GPC5: variants seen among roughly 807,000 people sequenced by gnomAD.
GPC5 encodes the protein glypican-5.
GPC5 carries 47 observed loss-of-function variants against 53.9 expected under a neutral mutation model. The ratio of observed to expected loss-of-function variants is 0.87; its 90% CI spans 0.69 to 1.11. The LOEUF is 1.11. Among genes scored for constraint, GPC5 ranks in the 50% most tolerant of loss-of-function variants. GPC5 has a pLI of 0.00. For synonymous variants in GPC5, 286 were observed against 263.3 expected (o/e 1.09, Z -0.84); for missense variants, 748 against 713.1 (o/e 1.05, Z -0.56).
chr13:91,930,906 A>G (rs1166964063), intron 6 of GPC5, among the ~76,000 whole-genome samples: 1 of 152,080 alleles, frequency 6.6e-6, no homozygotes, highest in Non-Finnish European at 1.5e-5. Flanking sequence ...CTACATAGTG[A>G]CACATGCTTA....
At chr13:91,496,034 AAAAT>A (rs1446527598) in intron 2 of GPC5, among the ~76,000 whole-genome samples, 4 of 145,036 alleles carry the variant, frequency 2.8e-5, no homozygotes, top group Non-Finnish European at 4.6e-5. Flanking sequence ...AAAAAAATAA[AAAAT>A]AAAAAATAAA....
At chr13:92,865,940 A>G (rs967431208) in intron 7 of GPC5, among the ~76,000 whole-genome samples, 8 of 152,164 alleles carry the variant, frequency 5.3e-5, no homozygotes, top group Non-Finnish European at 1.0e-4. Context: ...TGAAGGTGAT[A>G]AATCTCTGAA....
At chr13:91,523,022 TACA>T (rs1391875653) in intron 2 of GPC5, among the ~76,000 whole-genome samples, 16 of 152,278 alleles carry the variant, frequency 1.1e-4, no homozygotes, top group Non-Finnish European at 2.4e-4. Flanking sequence ...CTTTCTGGTG[TACA>T]ATAAAAGAAA....
chr13:91,536,499 T>G (rs898536785), intron 2 of GPC5, among the ~76,000 whole-genome samples: 1 of 152,166 alleles, frequency 6.6e-6, no homozygotes, highest in African/African-American at 2.4e-5. Context: ...AAAAGGTTTA[T>G]CTTGACTTGA....
chr13:91,589,471 C>A (rs1304448044), intron 2 of GPC5, among the ~76,000 whole-genome samples: 1 of 152,116 alleles, frequency 6.6e-6, no homozygotes, highest in East Asian at 1.9e-4. Context: ...TCTCTGTTTC[C>A]TCTCTAGACC....
chr13:92,002,038 C>T (rs1366564518), intron 6 of GPC5, among the ~76,000 whole-genome samples: 1 of 152,056 alleles, frequency 6.6e-6, no homozygotes, highest in African/African-American at 2.4e-5. Flanking sequence ...GTCCTCCACA[C>T]AATTTCTGGT....
rs752130758 is a variant in GPC5 at position 92,708,857 on chromosome 13, C to CTTTTTTTTTTTTTTTTTTTTTT, written c.1562-157403_1562-157382dup. On this transcript the variant is annotated intron_variant, in intron 7 of 7. Transcript: ENST00000377067. ...CTAGCAGCATCTAGCTGGAAACCGCCTTTTTTTTTTTTTTTTTTTTTTTTT... is the reference window on the plus strand; with the variant it reads ...CTAGCAGCATCTAGCTGGAAACCGCCTTTTTTTTTTTTTTTTTTTTTTTTTTTTTTTTTTTTTTTTTTTTTTT... 6.2e-5 allele frequency among the ~76,000 whole-genome samples: 3 copies of CTTTTTTTTTTTTTTTTTTTTTT among 48,140 alleles called. 1 individual carries two copies. Among genetic ancestry groups the CTTTTTTTTTTTTTTTTTTTTTT allele is most frequent in the Non-Finnish European group, 1.2e-4 (3 of 24,284 alleles). The allele number at this position is 48,140 out of a possible 152,430, so 31.6% of individuals were successfully genotyped here. A position where few individuals can be genotyped will look rare whatever the true frequency, so the allele number is the denominator to read the frequency against.
chr13:91,533,103 A>G (rs1886426595), intron 2 of GPC5, among the ~76,000 whole-genome samples: 1 of 152,220 alleles, frequency 6.6e-6, no homozygotes, highest in African/African-American at 2.4e-5. Flanking sequence ...TTTATTGGAA[A>G]GATGATTTTT....
chr13:92,797,678 G>A (rs891019414), intron 7 of GPC5, among the ~76,000 whole-genome samples: 5 of 151,854 alleles, frequency 3.3e-5, no homozygotes, highest in East Asian at 1.9e-4. Context: ...TATTTTCAAT[G>A]CCATGAAAAT....
chr13:91,543,418 G>A (rs1266118657), intron 2 of GPC5, among the ~76,000 whole-genome samples: 1 of 151,994 alleles, frequency 6.6e-6, no homozygotes, highest in African/African-American at 2.4e-5. Context: ...AATTTTACAT[G>A]TCTTTTAAGC....
At chr13:92,475,807 T>C (rs1364719058) in intron 7 of GPC5, among the ~76,000 whole-genome samples, 1 of 152,054 alleles carries the variant, frequency 6.6e-6, no homozygotes, top group Non-Finnish European at 1.5e-5. Flanking sequence ...ATTCCCTATT[T>C]AATAAATGGT....
rs188951582 is a variant in GPC5, at chr13:91,694,763, C to T, written c.1020+882C>T. On this transcript the variant is annotated intron_variant, in intron 3 of 7. Transcript: ENST00000377067. ...GATTTACCAAATTAACAAGCATTCT[C>T]ATAAATTAGCTTTAAGCAGAAAATT... is the stretch of plus-strand genomic sequence containing the variant. 8.8e-3 allele frequency among the ~76,000 whole-genome samples: 1,333 copies of T among 152,276 alleles called. 11 individuals are homozygous for T. The highest frequency in any genetic ancestry group is 0.015 in the Non-Finnish European group (1,020 of 68,016).
intron 7 of GPC5, among the ~76,000 whole-genome samples, chr13:92,194,670 T>A (rs1424606808): frequency 6.6e-6 from 1 of 152,214 alleles, no homozygotes; most frequent in Non-Finnish European, 1.5e-5. Flanking sequence ...CTGCAGGTAT[T>A]CTCAAATGCA....
At chr13:91,976,176 A>G (rs925456289) in intron 6 of GPC5, among the ~76,000 whole-genome samples, 9 of 152,192 alleles carry the variant, frequency 5.9e-5, no homozygotes, top group African/African-American at 2.2e-4. Context: ...ATGTTAAATG[A>G]CGAGTTAATG....
chr13:91,487,148 A>G (rs1883651803), intron 2 of GPC5, among the ~76,000 whole-genome samples: 1 of 152,150 alleles, frequency 6.6e-6, no homozygotes, highest in Non-Finnish European at 1.5e-5. Flanking sequence ...CAGGAGAGAA[A>G]GCATACAAAA....
intron 5 of GPC5, among the ~76,000 whole-genome samples, chr13:91,864,926 A>G (rs540143453): frequency 4.7e-5 from 7 of 148,036 alleles, no homozygotes; most frequent in Admixed American, 3.4e-4. Flanking sequence ...TTAATTTGAG[A>G]CAGAGTCTTG....
intron 7 of GPC5, among the ~76,000 whole-genome samples, chr13:92,805,463 G>A (rs1877060200): frequency 6.6e-6 from 1 of 151,928 alleles, no homozygotes; most frequent in Non-Finnish European, 1.5e-5. Context: ...TTGAGAAAGT[G>A]TCTCATTCTG....
intron 7 of GPC5, among the ~76,000 whole-genome samples, chr13:92,404,273 T>C (rs928357581): frequency 6.6e-6 from 1 of 152,172 alleles, no homozygotes; most frequent in Non-Finnish European, 1.5e-5. Context: ...ATTCAAGCAG[T>C]TGAAGATAAA....
intron 7 of GPC5, among the ~76,000 whole-genome samples, chr13:92,721,334 T>A (rs1888503037): frequency 6.6e-6 from 1 of 152,102 alleles, no homozygotes. Context: ...AGGTAATGTC[T>A]ATTTCTAGGA....
Sources: gnomAD v4.1 joint callset for allele counts (sites outside exome capture counted in the v4.1 genomes callset) on GRCh38, gnomAD v4.1.1 for gene constraint, MANE v1.5 for transcripts, NCBI Gene and HGNC (gene_info 2026-07-23, HGNC 2026-07-21) for gene names.